The following PTPN5 variants were observed in gnomAD, a reference collection of about 807,000 sequenced individuals.
PTPN5 encodes protein tyrosine phosphatase non-receptor type 5, also known as tyrosine-protein phosphatase non-receptor type 5.
In PTPN5, 29 loss-of-function variants were observed where a neutral mutation model predicts 73.9. The ratio of observed to expected loss-of-function variants is 0.39; its 90% CI spans 0.29 to 0.54. The LOEUF (loss-of-function observed/expected upper bound fraction) is 0.54, where lower values mean the gene tolerates loss of function less well. Among genes scored for constraint, PTPN5 ranks in the 20% least tolerant of loss-of-function variants. The pLI is 0.65. For missense variants in PTPN5, 652 were observed against 751.4 expected, an observed-to-expected ratio of 0.87 and a Z score of 1.55; for synonymous variants, 267 against 304.7, an observed-to-expected ratio of 0.88 and a Z score of 1.29.
intron 3 of PTPN5, among the ~76,000 whole-genome samples, chr11:18,760,674 T>C (rs530029599): frequency 4.5e-4 from 69 of 152,324 alleles, no homozygotes; most frequent in African/African-American, 1.6e-3. Flanking sequence ...TTGGTAGGGA[T>C]TGTCATGGCT....
chr11:18,733,659 G>A lies in PTPN5; in HGVS notation c.1001-24C>T, dbSNP rs760355308. The A allele has an allele frequency of 2.5e-6, 4 of 1,612,300 alleles. No individual in the cohort carries two copies. The Admixed American group carries it at 6.7e-5, about 27-fold the overall frequency. On this transcript the variant is annotated intron_variant, in intron 9 of 14. Transcript: ENST00000358540. This position sits in a 1 kb window ranked among gnomAD's most constrained non-coding sequence, Gnocchi z 4.3. ...GTCTGGGGTGGTGGGAGACAAGTAA[G>A]GCTGGAAACTGGGCCCTCTGGTGCA...
chr11:18,729,468 TG>T lies in PTPN5; in HGVS notation c.1588del (p.Gln530SerfsTer9). The T allele has an allele frequency of 6.4e-7, 1 of 1,551,896 alleles. No individual in the cohort carries two copies. Among genetic ancestry groups the T allele is most frequent in the Non-Finnish European group, 8.9e-7 (1 of 1,127,888 alleles). On this transcript the variant is annotated frameshift_variant, in exon 14 of 15. Transcript: ENST00000358540. LOFTEE classifies it high-confidence loss of function. The surrounding 1 kb of genome is among the most constrained non-coding windows in gnomAD (Gnocchi z 5.2). The stretch of plus-strand genomic sequence containing the variant: ...GTGGGCTGACCTGTCCTGACGGAGC[TG>T]GCACGTGGTCTTCAGGATGTCCACC... ...GVVDILKTTC[Q>X]LRQDRGGMIQ...
intron 3 of PTPN5, among the ~76,000 whole-genome samples, chr11:18,756,933 AAAAC>A (rs1564910625): frequency 7.9e-6 from 1 of 125,886 alleles, no homozygotes; most frequent in African/African-American, 2.6e-5. Context: ...AAAAAAAAAA[AAAAC>A]CAAAAAACAA....
Position 18,728,851 on chromosome 11 carries a change from G to T in PTPN5, c.*83C>A. 7.3e-7 allele frequency: 1 copy of T among 1,365,264 alleles called. No individual in the cohort carries two copies. Among genetic ancestry groups the T allele is most frequent in the Non-Finnish European group, 1.0e-6 (1 of 986,236 alleles). The allele number at this position is 1,365,264 out of a possible 1,614,324, so 84.6% of individuals were successfully genotyped here. A position where few individuals can be genotyped will look rare whatever the true frequency, so the allele number is the denominator to read the frequency against. On this transcript the variant is annotated 3_prime_UTR_variant, in exon 15 of 15. Coordinates refer to ENST00000358540, the MANE Select transcript of PTPN5 (RefSeq NM_006906.2). This position sits in a 1 kb window ranked among gnomAD's most constrained non-coding sequence, Gnocchi z 4.1. Reference sequence around the variant, plus strand: ...CTGAAGGGGAGGAAGCGGGGAGCAGGCCCAGGACCCGAGGCAGGGCCCTGG... The same window carrying T: ...CTGAAGGGGAGGAAGCGGGGAGCAGTCCCAGGACCCGAGGCAGGGCCCTGG...
At chr11:18,740,846 A>G in intron 7 of PTPN5, 54 bp from the exon 8 acceptor site, 1 of 1,260,486 alleles carries the variant, frequency 7.9e-7, no homozygotes, top group Non-Finnish European at 1.1e-6. Flanking sequence ...GACGGGCATG[A>G]GCTGGGGTCT....
chr11:18,791,275 C>T (rs1340580692), intron 1 of PTPN5, among the ~76,000 whole-genome samples: 2 of 152,230 alleles, frequency 1.3e-5, no homozygotes, highest in African/African-American at 4.8e-5. Context: ...GAACCGCGCA[C>T]GGGCTTCGTG....
intron 1 of PTPN5, among the ~76,000 whole-genome samples, chr11:18,782,073 G>GA (rs1851457894): frequency 6.6e-6 from 1 of 152,196 alleles, no homozygotes; most frequent in Non-Finnish European, 1.5e-5. Flanking sequence ...ACGGCTTCAT[G>GA]AATCAGCCTA....
chr11:18,750,126 A>G (rs1290027951), intron 3 of PTPN5, among the ~76,000 whole-genome samples: 1 of 152,192 alleles, frequency 6.6e-6, no homozygotes, highest in East Asian at 1.9e-4. Flanking sequence ...CCAGGTCCAC[A>G]GCCAGCCAAG....
chr11:18,752,525 T>C (rs1590545394), intron 3 of PTPN5, among the ~76,000 whole-genome samples: 1 of 152,068 alleles, frequency 6.6e-6, no homozygotes, highest in Middle Eastern at 3.4e-3. Context: ...GGACTGGGGG[T>C]GGAGGAGTTT....
At chr11:18,734,010 A>G (rs760835762) in intron 9 of PTPN5, among the ~76,000 whole-genome samples, 5 of 152,218 alleles carry the variant, frequency 3.3e-5, no homozygotes, top group Admixed American at 6.5e-5. Flanking sequence ...TTGAGTACAC[A>G]CTGTCATTGA....
intron 1 of PTPN5, among the ~76,000 whole-genome samples, chr11:18,775,053 T>C (rs965518460): frequency 4.6e-5 from 7 of 152,198 alleles, no homozygotes; most frequent in Admixed American, 2.6e-4. Context: ...CCAGGGCAGG[T>C]GTTAGCAAAC....
intron 1 of PTPN5, among the ~76,000 whole-genome samples, chr11:18,782,745 C>A (rs973498512): frequency 6.6e-6 from 1 of 152,152 alleles, no homozygotes; most frequent in Non-Finnish European, 1.5e-5. Flanking sequence ...CACTTAAGAT[C>A]TATACATTGG....
intron 9 of PTPN5, among the ~76,000 whole-genome samples, chr11:18,734,360 T>A (rs551203386): frequency 5.9e-5 from 9 of 152,294 alleles, no homozygotes; most frequent in African/African-American, 2.2e-4. Context: ...TCTCTGTCAC[T>A]CAGCTGGAGT....
intron 2 of PTPN5, among the ~76,000 whole-genome samples, chr11:18,769,814 A>T (rs2134313211): frequency 6.6e-6 from 1 of 152,372 alleles, no homozygotes; most frequent in East Asian, 1.9e-4. Context: ...TGTGTGGAAC[A>T]TCTGGTGCCA....
chr11:18,788,999 C>A (rs1348383972), intron 1 of PTPN5, among the ~76,000 whole-genome samples: 2 of 152,150 alleles, frequency 1.3e-5, no homozygotes, highest in African/African-American at 4.8e-5. Flanking sequence ...AAGTGTTGAT[C>A]CTCCCAGGGA....
At chr11:18,786,665 G>A (rs2134373674) in intron 1 of PTPN5, among the ~76,000 whole-genome samples, 1 of 152,288 alleles carries the variant, frequency 6.6e-6, no homozygotes, top group Middle Eastern at 3.4e-3. Flanking sequence ...TGACAGACCT[G>A]TGGCTGCAGA....
At chr11:18,766,535 T>C (rs988206935) in intron 2 of PTPN5, among the ~76,000 whole-genome samples, 4 of 152,238 alleles carry the variant, frequency 2.6e-5, no homozygotes, top group African/African-American at 9.6e-5. Context: ...ATGTTTTGTA[T>C]AGTCTAAATG....
At chr11:18,731,581 A>G (rs1848879905) in intron 12 of PTPN5, among the ~76,000 whole-genome samples, 1 of 152,124 alleles carries the variant, frequency 6.6e-6, no homozygotes, top group Non-Finnish European at 1.5e-5. Context: ...TCAGGAAGCC[A>G]TTTTCTCAAG....
At chr11:18,756,011 A>AG (rs1850118785) in intron 3 of PTPN5, among the ~76,000 whole-genome samples, 3 of 151,338 alleles carry the variant, frequency 2.0e-5, no homozygotes, top group Admixed American at 6.6e-5. Flanking sequence ...ATAAAAAAAA[A>AG]AAAAAAAAAA....
Sources: allele counts gnomAD v4.1 joint callset (sites outside exome capture counted in the v4.1 genomes callset), GRCh38; gene constraint gnomAD v4.1.1; non-coding constraint Gnocchi (gnomAD v3.1); transcripts MANE v1.5; gene names NCBI Gene and HGNC (gene_info 2026-07-23, HGNC 2026-07-21).